Variants in KAT2B observed in about 807,000 individuals in gnomAD.
KAT2B encodes lysine acetyltransferase 2B.
Under a neutral mutation model 105.9 loss-of-function variants are expected in KAT2B, and 36 were observed. The ratio of observed to expected loss-of-function variants is 0.34; its 90% CI spans 0.26 to 0.45. The LOEUF (loss-of-function observed/expected upper bound fraction) is 0.45, where lower values mean the gene tolerates loss of function less well. Ranked by LOEUF, KAT2B falls within the 20% of genes least tolerant of loss-of-function variation. The pLI is 1.00. For synonymous variants in KAT2B, 397 were observed against 377.9 expected (o/e 1.05, Z -0.59); for missense variants, 820 against 1,021.6 (o/e 0.80, Z 2.69).
chr3:20,095,442 C>T (rs763487969), intron 3 of KAT2B, 34 bp downstream of exon 3: 1 of 1,469,616 alleles, frequency 6.8e-7, no homozygotes, highest in Non-Finnish European at 9.4e-7. Flanking sequence ...CATTTTCTCT[C>T]ATTATTCAAA....
intron 1 of KAT2B, among the ~76,000 whole-genome samples, chr3:20,063,587 G>C (rs112594714): frequency 3.9e-4 from 52 of 134,112 alleles, no homozygotes; most frequent in African/African-American, 1.3e-3. Context: ...CTGTTGCCCA[G>C]GCTGGAATGT....
chr3:20,117,456 G>A (rs541492501), intron 7 of KAT2B, among the ~76,000 whole-genome samples: 1 of 152,286 alleles, frequency 6.6e-6, no homozygotes, highest in East Asian at 1.9e-4. Context: ...ATACTCAGAT[G>A]TCTTCTGAAT....
chr3:20,057,185 G>C (rs576926857), intron 1 of KAT2B, among the ~76,000 whole-genome samples: 3 of 152,282 alleles, frequency 2.0e-5, no homozygotes, highest in East Asian at 1.9e-4. Context: ...ATTAACCTTA[G>C]GAGCTGGGAG....
At chr3:20,133,474 C>T (rs966380789) in intron 11 of KAT2B, among the ~76,000 whole-genome samples, 1 of 152,078 alleles carries the variant, frequency 6.6e-6, no homozygotes, top group African/African-American at 2.4e-5. Flanking sequence ...TCCATAATTG[C>T]AGGAATTTCT....
intron 1 of KAT2B, among the ~76,000 whole-genome samples, chr3:20,062,121 C>CATATAATATATATTATATAAAAA (rs1698127817): frequency 1.7e-4 from 9 of 54,088 alleles, no homozygotes; most frequent in African/African-American, 2.0e-4. Context: ...TTATATAAAA[C>CATATAATATATATTATATAAAAA]ATATATATAT....
chr3:20,087,322 T>C (rs190948215), intron 2 of KAT2B, among the ~76,000 whole-genome samples: 30 of 152,362 alleles, frequency 2.0e-4, no homozygotes, highest in African/African-American at 7.0e-4. Context: ...CATAAATATG[T>C]ACAATTATAT....
At position 20,126,097 on chromosome 3, in the gene KAT2B, C is replaced by T. The variant is rs770425092; in HGVS notation, c.1606C>T (p.Arg536Trp). 8.1e-6 allele frequency: 13 copies of T among 1,604,640 alleles called. No homozygotes were observed. The highest frequency in any genetic ancestry group is 3.3e-5 in the South Asian group (3 of 90,300). The change falls in exon 10 of 18, where the codon CGG (arginine) becomes TGG (tryptophan). Residue 536 changes from arginine to tryptophan, a missense_variant. This residue lies in a region of KAT2B where 225 missense variants were observed against 268.1 expected (regional missense o/e 0.84). Coordinates refer to ENST00000263754, the MANE Select transcript of KAT2B (RefSeq NM_003884.5). ...CCGAATGCCAAAAGAATACATCACA[C>T]GGCTCGTCTTTGACCCGTAAGTGGT... ...LPRMPKEYIT[R>W]LVFDPKHKTL...
intron 5 of KAT2B, among the ~76,000 whole-genome samples, chr3:20,107,557 C>T (rs910605620): frequency 8.8e-5 from 13 of 147,782 alleles, no homozygotes; most frequent in African/African-American, 3.2e-4. Flanking sequence ...ACTTGGGAGG[C>T]TGGGGCAGGA....
At chr3:20,132,693 C>G (rs1416370945) in intron 11 of KAT2B, among the ~76,000 whole-genome samples, 1 of 152,210 alleles carries the variant, frequency 6.6e-6, no homozygotes, top group Admixed American at 6.5e-5. Context: ...ACAGCCCTTT[C>G]TCACAAGCAA....
In KAT2B at chr3:20,078,216, C is replaced by G. The variant is rs184012135; in HGVS notation, c.430+5757C>G. ...AATAAATAAATAAATAAAAAGGCAG[C>G]CTGTTTTTACGAGCAGGAAAGTAGG... On this transcript the variant is annotated intron_variant, in intron 2 of 17. Transcript: ENST00000263754. Among the ~76,000 whole-genome samples, 22 of 151,514 alleles carry G rather than the reference C, an allele frequency of 1.5e-4. 1 individual carries two copies. The East Asian group carries it at 4.3e-3, about 29-fold the overall frequency.
chr3:20,086,361 A>G (rs1408572954), intron 2 of KAT2B, among the ~76,000 whole-genome samples: 1 of 152,116 alleles, frequency 6.6e-6, no homozygotes, highest in Non-Finnish European at 1.5e-5. Flanking sequence ...CACTTTGGGA[A>G]TCCGAGACGG....
intron 2 of KAT2B, among the ~76,000 whole-genome samples, chr3:20,081,941 G>A (rs12636325): frequency 0.12 from 17,152 of 145,132 alleles, 1,152 homozygotes; most frequent in East Asian, 0.24. Context: ...GAGTCTCTAC[G>A]TATAAATTTG....
At chr3:20,113,811 C>T (rs1394075863) in intron 6 of KAT2B, among the ~76,000 whole-genome samples, 2 of 151,978 alleles carry the variant, frequency 1.3e-5, no homozygotes, top group African/African-American at 4.8e-5. Context: ...TATGTGCTGC[C>T]TTTTTTTCCA....
At chr3:20,131,843 C>T (rs985729011) in intron 11 of KAT2B, among the ~76,000 whole-genome samples, 3 of 152,238 alleles carry the variant, frequency 2.0e-5, no homozygotes, top group African/African-American at 7.2e-5. Flanking sequence ...AGATTATAGG[C>T]GTGAGCCATT....
At chr3:20,060,859 T>C (rs1023950863) in intron 1 of KAT2B, among the ~76,000 whole-genome samples, 11 of 152,082 alleles carry the variant, frequency 7.2e-5, no homozygotes, top group Admixed American at 2.6e-4. Flanking sequence ...GTTGGAGGAT[T>C]GCTTGAACCC....
chr3:20,044,207 GCAGTGGCT>G (rs1697766848), intron 1 of KAT2B, among the ~76,000 whole-genome samples: 1 of 151,760 alleles, frequency 6.6e-6, no homozygotes, highest in Non-Finnish European at 1.5e-5. Flanking sequence ...TAGGCCAGGC[GCAGTGGCT>G]CAGACCTGTA....
intron 1 of KAT2B, among the ~76,000 whole-genome samples, chr3:20,055,897 C>T (rs893943014): frequency 1.3e-5 from 2 of 152,170 alleles, no homozygotes; most frequent in African/African-American, 2.4e-5. Context: ...AATGTTACCA[C>T]ATAGTACATA....
At chr3:20,152,304 A>G (rs1340142887) in intron 17 of KAT2B, 28 bp from the exon 18 acceptor site, 1 of 1,569,008 alleles carries the variant, frequency 6.4e-7, no homozygotes, top group Admixed American at 1.7e-5. Flanking sequence ...GGAGTCAAAG[A>G]TTGCTAATAT....
intron 11 of KAT2B, among the ~76,000 whole-genome samples, chr3:20,132,405 T>A (rs1356746079): frequency 6.6e-6 from 1 of 152,202 alleles, no homozygotes; most frequent in Non-Finnish European, 1.5e-5. Flanking sequence ...TGATATTATA[T>A]ACAGCTTTAA....
Sources: allele counts gnomAD v4.1 joint callset (sites outside exome capture counted in the v4.1 genomes callset), GRCh38; gene constraint gnomAD v4.1.1; regional missense constraint gnomAD v4.1.1; transcripts MANE v1.5; gene names NCBI Gene and HGNC (gene_info 2026-07-23, HGNC 2026-07-21).